Variants in EPB41L4A observed in about 807,000 individuals in gnomAD.
EPB41L4A encodes erythrocyte membrane protein band 4.1 like 4A, also known as band 4.1-like protein 4A.
Under a neutral mutation model 108.6 loss-of-function variants are expected in EPB41L4A, and 100 were observed. That is an observed-to-expected ratio of 0.92 (90% CI 0.78 to 1.09). EPB41L4A has a LOEUF of 1.09. Among genes scored for constraint, EPB41L4A ranks in the 50% least tolerant of loss-of-function variants. The pLI, the probability that EPB41L4A is intolerant of heterozygous loss-of-function variation, is 0.00. For missense variants in EPB41L4A, 1,030 were observed against 842.7 expected, an observed-to-expected ratio of 1.22 and a Z score of -2.75; for synonymous variants, 319 against 289.0, an observed-to-expected ratio of 1.10 and a Z score of -1.05.
intron 1 of EPB41L4A, among the ~76,000 whole-genome samples, chr5:112,321,833 C>T (rs1755802188): frequency 6.6e-6 from 1 of 152,056 alleles, no homozygotes; most frequent in Admixed American, 6.5e-5. Flanking sequence ...CTACTTTTTG[C>T]CAGGCAAAGC....
chr5:112,148,105 T>C (rs906644728), intron 12 of EPB41L4A, among the ~76,000 whole-genome samples: 7 of 147,608 alleles, frequency 4.7e-5, no homozygotes, highest in Non-Finnish European at 1.0e-4. Context: ...AATATAATAG[T>C]ATTACTATAT....
chr5:112,204,749 C>T (rs1459743048), intron 14 of EPB41L4A: 1 of 333,864 alleles, frequency 3.0e-6, no homozygotes, highest in Non-Finnish European at 5.7e-6. Flanking sequence ...ACACAAATAA[C>T]AATAACAATT....
At chr5:112,396,839 C>G (rs146774541) in intron 1 of EPB41L4A, among the ~76,000 whole-genome samples, 29 of 152,268 alleles carry the variant, frequency 1.9e-4, no homozygotes, top group African/African-American at 6.5e-4. Flanking sequence ...TTAGCTTTTA[C>G]CTTCTGAAAG....
At chr5:112,298,770 T>G (rs1218784241) in intron 2 of EPB41L4A, among the ~76,000 whole-genome samples, 2 of 152,216 alleles carry the variant, frequency 1.3e-5, no homozygotes, top group Admixed American at 1.3e-4. Flanking sequence ...TGAATCCATC[T>G]GGTCCTGGAC....
At chr5:112,356,508 T>C (rs1246622913) in intron 1 of EPB41L4A, among the ~76,000 whole-genome samples, 2 of 152,224 alleles carry the variant, frequency 1.3e-5, no homozygotes, top group Non-Finnish European at 2.9e-5. Flanking sequence ...GCACCTGATA[T>C]GAAGATACTA....
chr5:112,226,035 G>T (rs1276931320), intron 12 of EPB41L4A, among the ~76,000 whole-genome samples: 1 of 152,120 alleles, frequency 6.6e-6, no homozygotes, highest in Non-Finnish European at 1.5e-5. Context: ...TCCTTTGGTG[G>T]GCTCCTCATG....
At chr5:112,235,942 A>C (rs1200972281) in intron 11 of EPB41L4A, among the ~76,000 whole-genome samples, 1 of 152,158 alleles carries the variant, frequency 6.6e-6, no homozygotes, top group Non-Finnish European at 1.5e-5. Flanking sequence ...ACACAGGATA[A>C]CATAGATTTC....
At chr5:112,168,117 C>T (rs1465917741) in intron 22 of EPB41L4A, among the ~76,000 whole-genome samples, 1 of 152,158 alleles carries the variant, frequency 6.6e-6, no homozygotes, top group Non-Finnish European at 1.5e-5. Flanking sequence ...ATTCAGCCCA[C>T]ATTTTTTCCC....
chr5:112,253,886 A>T (rs75601506), intron 9 of EPB41L4A, among the ~76,000 whole-genome samples: 4,170 of 152,278 alleles, frequency 0.027, 280 homozygotes, highest in East Asian at 0.27. Context: ...ACCATGTAAA[A>T]TGTGAAAGGA....
chr5:112,280,722 G>C (rs1752916456), intron 2 of EPB41L4A, among the ~76,000 whole-genome samples: 3 of 152,284 alleles, frequency 2.0e-5, no homozygotes, highest in Admixed American at 2.0e-4. Context: ...CTGGGTCCCT[G>C]GTTGAATTAT....
chr5:112,293,107 G>GAT (rs1028270044), intron 2 of EPB41L4A, among the ~76,000 whole-genome samples: 5 of 151,990 alleles, frequency 3.3e-5, no homozygotes, highest in African/African-American at 7.2e-5. Context: ...TGGATATATG[G>GAT]ATATATATAT....
intron 12 of EPB41L4A, among the ~76,000 whole-genome samples, chr5:112,146,956 A>C (rs924132370): frequency 2.6e-5 from 4 of 152,252 alleles, no homozygotes; most frequent in African/African-American, 9.6e-5. Context: ...AAGTATGAAA[A>C]ATATAAAAAC....
chr5:112,413,510 G>GTA (rs1762529421), intron 1 of EPB41L4A, among the ~76,000 whole-genome samples: 1 of 152,198 alleles, frequency 6.6e-6, no homozygotes, highest in Non-Finnish European at 1.5e-5. Context: ...ACCACATGAA[G>GTA]TATACAGCTC....
intron 12 of EPB41L4A, among the ~76,000 whole-genome samples, chr5:112,155,690 A>C (rs1476411097): frequency 6.6e-6 from 1 of 152,218 alleles, no homozygotes; most frequent in African/African-American, 2.4e-5. Flanking sequence ...CAGAAAAGCA[A>C]TTACAATGAA....
intron 12 of EPB41L4A, among the ~76,000 whole-genome samples, chr5:112,221,439 C>G (rs1192157120): frequency 6.6e-6 from 1 of 152,216 alleles, no homozygotes; most frequent in Non-Finnish European, 1.5e-5. Context: ...TAAATTGATC[C>G]TGTGATCTTG....
intron 9 of EPB41L4A, among the ~76,000 whole-genome samples, chr5:112,244,451 A>G (rs1032660993): frequency 4.6e-5 from 7 of 152,132 alleles, no homozygotes; most frequent in Non-Finnish European, 7.4e-5. Flanking sequence ...AGTTTAATAG[A>G]GAGAAGAAAG....
At chr5:112,254,926 G>C (rs1750965645) in intron 9 of EPB41L4A, among the ~76,000 whole-genome samples, 1 of 151,990 alleles carries the variant, frequency 6.6e-6, no homozygotes, top group Non-Finnish European at 1.5e-5. Context: ...TGCACTAGGA[G>C]ACCCCTGGCT....
chr5:112,395,317 A>C (rs1761256069), intron 1 of EPB41L4A, among the ~76,000 whole-genome samples: 1 of 152,230 alleles, frequency 6.6e-6, no homozygotes, highest in Non-Finnish European at 1.5e-5. Context: ...CAACCTACAG[A>C]ATGGGAGAAA....
At chr5:112,206,182 G>A (rs1440515341) in intron 13 of EPB41L4A, 4 of 152,168 alleles carry the variant, frequency 2.6e-5, no homozygotes, top group African/African-American at 9.7e-5. Flanking sequence ...GTGGGGAGGG[G>A]TGTGTCACCT....
Sources: allele counts gnomAD v4.1 joint callset (sites outside exome capture counted in the v4.1 genomes callset), GRCh38; gene constraint gnomAD v4.1.1; transcripts MANE v1.5; gene names NCBI Gene and HGNC (gene_info 2026-07-23, HGNC 2026-07-21).